IFT88: variants seen among roughly 807,000 people sequenced by gnomAD.
IFT88 encodes intraflagellar transport 88.
Under a neutral mutation model 119.5 loss-of-function variants are expected in IFT88, and 74 were observed. That is an observed-to-expected ratio of 0.62 (90% CI 0.51 to 0.75). The LOEUF (loss-of-function observed/expected upper bound fraction) is 0.75. Among genes scored for constraint, IFT88 ranks in the 30% least tolerant of loss-of-function variants. The pLI, the probability that IFT88 is intolerant of heterozygous loss-of-function variation, is 0.00. For synonymous variants in IFT88, 279 were observed against 316.7 expected (o/e 0.88, Z 1.26); for missense variants, 961 against 977.7 (o/e 0.98, Z 0.23).
At chr13:20,580,888 G>T (rs970825921) in intron 2 of IFT88, among the ~76,000 whole-genome samples, 2 of 151,978 alleles carry the variant, frequency 1.3e-5, no homozygotes, top group South Asian at 4.2e-4. Flanking sequence ...ACCACGCCTG[G>T]CTAATTTTTT....
chr13:20,573,162 C>A (rs1184867329), intron 1 of IFT88, among the ~76,000 whole-genome samples: 1 of 152,156 alleles, frequency 6.6e-6, no homozygotes, highest in African/African-American at 2.4e-5. Flanking sequence ...GTAATCATGT[C>A]TTGAAACTTG....
chr13:20,659,388 G>C (rs976259566), intron 22 of IFT88, among the ~76,000 whole-genome samples: 2 of 151,948 alleles, frequency 1.3e-5, no homozygotes, highest in Admixed American at 6.6e-5. Flanking sequence ...CACCTGCTCG[G>C]GAGGCTGAGA....
At chr13:20,679,737 A>T (rs1192815248) in intron 24 of IFT88, among the ~76,000 whole-genome samples, 8 of 152,216 alleles carry the variant, frequency 5.3e-5, no homozygotes, top group Non-Finnish European at 2.9e-5. Flanking sequence ...TTAGGATTAT[A>T]TTGGGTTGGC....
At chr13:20,632,018 C>T (rs1406518202) in intron 16 of IFT88, 1 of 151,848 alleles carries the variant, frequency 6.6e-6, no homozygotes, top group East Asian at 1.9e-4. Flanking sequence ...ATGGTGCATG[C>T]CTATAGTCCC....
At chr13:20,670,843 C>A in intron 23 of IFT88, 130 bp from the exon 24 acceptor site, 48 of 468,740 alleles carry the variant, frequency 1.0e-4, no homozygotes, top group Non-Finnish European at 1.3e-4. Flanking sequence ...TCTATAGAAT[C>A]AACTCTCAGG....
intron 24 of IFT88, among the ~76,000 whole-genome samples, chr13:20,679,052 A>G (rs2057021906): frequency 6.6e-6 from 1 of 152,204 alleles, no homozygotes; most frequent in Admixed American, 6.5e-5. Flanking sequence ...CAGTTTTACA[A>G]TATCTAAAGA....
Position 20,653,881 on chromosome 13 carries a change from C to T in IFT88, c.1955C>T (p.Thr652Ile). The T allele has an allele frequency of 6.4e-7, 1 of 1,573,472 alleles. No individual in the cohort carries two copies. The highest frequency in any genetic ancestry group is 8.6e-7 in the Non-Finnish European group (1 of 1,156,124). Residue 652 changes from threonine to isoleucine, a missense_variant, in exon 21 of 26, where the codon ACA becomes ATA. Physicochemically the swap from Thr to Ile is moderately conservative, Grantham distance 89. Coordinates refer to ENST00000351808, the MANE Select transcript of IFT88 (RefSeq NM_006531.5). ...CTCATTTATTTATTTTATAGGCCTA[C>T]ACAAGTGAAATGGCAGCTGATGGTA... Reference protein sequence around the residue: ...YFERASLIQPTQVKWQLMVAS... With the variant: ...YFERASLIQPIQVKWQLMVAS...
intron 13 of IFT88, among the ~76,000 whole-genome samples, chr13:20,614,817 C>CTTTTTTTTTT (rs762297940): frequency 3.2e-4 from 40 of 125,852 alleles, no homozygotes; most frequent in Non-Finnish European, 5.5e-4. Context: ...TATTTCTTTT[C>CTTTTTTTTTT]TTTTTTTTTT....
intron 11 of IFT88, 25 bp downstream of exon 11, chr13:20,599,590 A>G: frequency 9.8e-7 from 1 of 1,021,760 alleles, no homozygotes; most frequent in Non-Finnish European, 1.5e-6. Flanking sequence ...ATAGATAATA[A>G]TTGTAAAATT....
In IFT88 at chr13:20,604,088, ATATAT is replaced by A. The variant is rs1343221718; in HGVS notation, c.1042-944_1042-940del. ...AAGTAAAATAACAAATAAAAAAAAT[ATATAT>A]TAGCCAGGCATGGTGGCACATGTCT... On this transcript the variant is annotated intron_variant, in intron 12 of 25. Coordinates refer to ENST00000351808, the MANE Select transcript of IFT88 (RefSeq NM_006531.5). 7.9e-5 allele frequency among the ~76,000 whole-genome samples: 12 copies of A among 152,116 alleles called. No homozygotes were observed. The South Asian group carries it at 2.3e-3, about 29-fold the overall frequency.
intron 3 of IFT88, among the ~76,000 whole-genome samples, chr13:20,588,095 T>C (rs2040034959): frequency 6.6e-6 from 1 of 151,836 alleles, no homozygotes; most frequent in Non-Finnish European, 1.5e-5. Context: ...TTTTCTGTTA[T>C]CTTGGTAGTT....
chr13:20,685,837 G>A (rs1300873517), intron 24 of IFT88, among the ~76,000 whole-genome samples: 2 of 152,220 alleles, frequency 1.3e-5, no homozygotes, highest in Admixed American at 6.5e-5. Context: ...CCGAGATTGC[G>A]CCACTGCGCT....
At chr13:20,672,128 C>G (rs1214444985) in intron 24 of IFT88, among the ~76,000 whole-genome samples, 3 of 152,126 alleles carry the variant, frequency 2.0e-5, no homozygotes, top group Non-Finnish European at 4.4e-5. Flanking sequence ...GGGATAGAAA[C>G]TGCAGTTGGG....
chr13:20,589,733 A>G, intron 3 of IFT88, 78 bp from the exon 4 acceptor site: 1 of 730,810 alleles, frequency 1.4e-6, no homozygotes, highest in South Asian at 2.4e-5. Flanking sequence ...ATGAGTCTAT[A>G]TTTTCTATTT....
At position 20,597,220 on chromosome 13, in the gene IFT88, C is replaced by G. The variant is rs1459523409; in HGVS notation, c.594+101C>G. 8 of 569,382 alleles carry G rather than the reference C, an allele frequency of 1.4e-5. No homozygotes were observed. The African/African-American group carries it at 1.5e-4, about 11-fold the overall frequency. The allele number at this position is 569,382 out of a possible 1,614,324, so 35.3% of individuals were successfully genotyped here. ...TTATTTTTAAAATCTTACTGGTCTT[C>G]AGGTGCTCACAATTAGATTAATAAT... is the stretch of plus-strand genomic sequence containing the variant. On this transcript the variant is annotated intron_variant, in intron 9 of 25. Coordinates refer to ENST00000351808, the MANE Select transcript of IFT88 (RefSeq NM_006531.5).
chr13:20,639,091 T>C (rs1248903192), intron 17 of IFT88, among the ~76,000 whole-genome samples: 1 of 152,212 alleles, frequency 6.6e-6, no homozygotes, highest in African/African-American at 2.4e-5. Context: ...CCCCTGGGCA[T>C]GAATTTTCAG....
chr13:20,639,833 G>A (rs1343638005), intron 17 of IFT88, among the ~76,000 whole-genome samples: 4 of 130,112 alleles, frequency 3.1e-5, no homozygotes, highest in Non-Finnish European at 6.2e-5. Flanking sequence ...CTGTCGTCTA[G>A]GCTGGTGTGC....
chr13:20,623,221 T>C (rs554739361), intron 14 of IFT88, among the ~76,000 whole-genome samples: 46 of 152,348 alleles, frequency 3.0e-4, no homozygotes, highest in African/African-American at 1.1e-3. Context: ...TGTAGCTTTG[T>C]AATTACTTTG....
intron 16 of IFT88, chr13:20,631,435 A>C (rs1474143073): frequency 4.5e-6 from 1 of 222,832 alleles, no homozygotes; most frequent in Non-Finnish European, 9.1e-6. Context: ...TTAGGTTAAA[A>C]GATTTATGTA....
Sources: allele counts gnomAD v4.1 joint callset (sites outside exome capture counted in the v4.1 genomes callset), GRCh38; gene constraint gnomAD v4.1.1; transcripts MANE v1.5; gene names NCBI Gene and HGNC (gene_info 2026-07-23, HGNC 2026-07-21).